ARPP21: variants seen among roughly 807,000 people sequenced by gnomAD.
The protein encoded by ARPP21 is cAMP-regulated phosphoprotein 21.
In ARPP21, 69 loss-of-function variants were observed where a neutral mutation model predicts 113.2. The observed-to-expected ratio is 0.61, with a 90% CI of 0.50 to 0.74. The LOEUF is 0.74. Among genes scored for constraint, ARPP21 ranks in the 30% least tolerant of loss-of-function variants. The pLI is 0.00. For synonymous variants in ARPP21, 368 were observed against 375.5 expected, an observed-to-expected ratio of 0.98 and a Z score of 0.23; for missense variants, 1,070 against 1,037.4, an observed-to-expected ratio of 1.03 and a Z score of -0.43.
At chr3:35,671,171 T>C (rs998317349) in intron 1 of ARPP21, among the ~76,000 whole-genome samples, 3 of 152,126 alleles carry the variant, frequency 2.0e-5, no homozygotes, top group African/African-American at 7.2e-5. Context: ...TGCAACCCGC[T>C]CTTCAGCACT....
intron 9 of ARPP21, among the ~76,000 whole-genome samples, chr3:35,698,786 G>A (rs1408157884): frequency 6.6e-6 from 1 of 151,570 alleles, no homozygotes; most frequent in Non-Finnish European, 1.5e-5. Context: ...ATTCTAATTT[G>A]CATTTTATTG....
chr3:35,793,492 A>G (rs1226836178), intron 20 of ARPP21, among the ~76,000 whole-genome samples: 1 of 152,208 alleles, frequency 6.6e-6, no homozygotes, highest in Non-Finnish European at 1.5e-5. Flanking sequence ...GGTACTTTGA[A>G]GCATGTATGT....
rs773008682 is a variant in ARPP21 at position 35,729,361 on chromosome 3, T to C, written c.1284T>C (p.Pro428=). 4 of 1,614,090 alleles carry C rather than the reference T, an allele frequency of 2.5e-6. No homozygotes were observed. Among genetic ancestry groups the C allele is most frequent in the Non-Finnish European group, 3.4e-6 (4 of 1,180,010 alleles). The change falls in exon 15 of 21, where the codon CCT becomes CCC. Residue 428 remains proline, a synonymous_variant. Transcript: ENST00000684406. ...GATCGCTGTCCCGCACCCATCCACCTCTCCAGAGCACACCCCTAGTCTCAG... is the reference window on the plus strand; with the variant it reads ...GATCGCTGTCCCGCACCCATCCACCCCTCCAGAGCACACCCCTAGTCTCAG... ...SSGSLSRTHP[P]LQSTPLVSGV... is the part of the protein sequence containing the mutation.
Position 35,739,589 on chromosome 3 carries a change from T to G in ARPP21, c.2010+12T>G. ...CTCCGCCTGCACAGGTAGGTGTGCTTCCTCATGCCTGTGACCTACAGCTGA... is the reference window on the plus strand; with the variant it reads ...CTCCGCCTGCACAGGTAGGTGTGCTGCCTCATGCCTGTGACCTACAGCTGA... On this transcript the variant is annotated intron_variant, in intron 18 of 20. Coordinates refer to ENST00000684406, the MANE Select transcript of ARPP21 (RefSeq NM_001385562.1). 1 of 1,599,694 alleles carries G rather than the reference T, an allele frequency of 6.3e-7. No homozygotes were observed.
At chr3:35,684,314 T>C (rs1331359240) in intron 5 of ARPP21, 1 of 1,089,630 alleles carries the variant, frequency 9.2e-7, no homozygotes, top group Admixed American at 4.6e-5. Flanking sequence ...GGTGGAGATT[T>C]CTCAATACTG....
At chr3:35,656,182 A>G (rs17033638) in intron 1 of ARPP21, among the ~76,000 whole-genome samples, 6,927 of 152,148 alleles carry the variant, frequency 0.046, 522 homozygotes, top group African/African-American at 0.16. Context: ...TTGAATGACT[A>G]TTGAATACAA....
At position 35,721,618 on chromosome 3, in the gene ARPP21, G is replaced by A. The variant is rs1178409423; in HGVS notation, c.1009G>A (p.Gly337Ser). The change falls in exon 14 of 21, where the codon GGC (glycine) becomes AGC (serine). Residue 337 changes from glycine (G) to serine (S), a missense_variant. Physicochemically the swap from Gly to Ser is moderately conservative, Grantham distance 56. Transcript: ENST00000684406. ...KRQLFRGNRD[G>S]SGRTSGSRQS... Reference sequence around the variant, plus strand: ...GTCGTACTCCAGGGGCAACAGAGATGGCTCAGGGAGAACATCTGGGAGTCG... The same window carrying A: ...GTCGTACTCCAGGGGCAACAGAGATAGCTCAGGGAGAACATCTGGGAGTCG... The A allele has an allele frequency of 1.2e-6, 2 of 1,609,344 alleles. No individual in the cohort carries two copies. The highest frequency in any genetic ancestry group is 1.7e-6 in the Non-Finnish European group (2 of 1,175,972).
At chr3:35,736,977 T>C (rs183358314) in intron 15 of ARPP21, among the ~76,000 whole-genome samples, 237 of 152,344 alleles carry the variant, frequency 1.6e-3, no homozygotes, top group Non-Finnish European at 2.4e-3. Flanking sequence ...CTTAAATTGC[T>C]ATGGGCTCCC....
chr3:35,713,110 A>G (rs1427659493), intron 11 of ARPP21, among the ~76,000 whole-genome samples: 1 of 152,176 alleles, frequency 6.6e-6, no homozygotes, highest in Non-Finnish European at 1.5e-5. Flanking sequence ...ATTAAGCAAA[A>G]TCGTTTTTCT....
intron 1 of ARPP21, among the ~76,000 whole-genome samples, chr3:35,649,964 C>T (rs957291643): frequency 1.3e-5 from 2 of 152,080 alleles, no homozygotes; most frequent in African/African-American, 2.4e-5. Context: ...TTAAGAAATG[C>T]TAAGTGTAAT....
At chr3:35,744,455 T>C (rs778774418) in intron 19 of ARPP21, 14 of 527,472 alleles carry the variant, frequency 2.7e-5, no homozygotes, top group Non-Finnish European at 4.7e-5. Flanking sequence ...ACATGCCTCC[T>C]GCCCAGAGCC....
At chr3:35,740,057 G>A (rs1038524217) in intron 18 of ARPP21, among the ~76,000 whole-genome samples, 9 of 152,200 alleles carry the variant, frequency 5.9e-5, no homozygotes, top group African/African-American at 1.9e-4. Flanking sequence ...GAATATAAAG[G>A]AGGAAGGTAA....
chr3:35,683,456 TCCTATGTTC>T (rs540005606), intron 4 of ARPP21, among the ~76,000 whole-genome samples: 1 of 151,866 alleles, frequency 6.6e-6, no homozygotes, highest in South Asian at 2.1e-4. Flanking sequence ...AATTCATTCT[TCCTATGTTC>T]CCAATGTGAT....
chr3:35,683,862 T>A, intron 5 of ARPP21, 47 bp downstream of exon 5: 1 of 972,686 alleles, frequency 1.0e-6, no homozygotes, highest in Non-Finnish European at 1.7e-6. Context: ...GGGATCCACC[T>A]TTGTGTGCAT....
chr3:35,728,833 C>T (rs966961695), intron 14 of ARPP21, among the ~76,000 whole-genome samples: 1 of 152,142 alleles, frequency 6.6e-6, no homozygotes, highest in Non-Finnish European at 1.5e-5. Flanking sequence ...GTCGGAGAAC[C>T]AGTACTTCAG....
rs139970184 is a variant in ARPP21, at chr3:35,751,463, C to T, written c.2137+7498C>T. Among the ~76,000 whole-genome samples, 20 of 152,148 alleles carry T rather than the reference C, an allele frequency of 1.3e-4. No homozygotes were observed. The East Asian group carries it at 3.7e-3, about 28-fold the overall frequency. On this transcript the variant is annotated intron_variant, in intron 19 of 20. Transcript: ENST00000684406. ...GGTGATTTAATGTACCTCTGTTCTG[C>T]GTGAGTAAGTAAGCGATACTCCAAT...
intron 11 of ARPP21, among the ~76,000 whole-genome samples, chr3:35,710,109 C>T (rs7636980): frequency 0.48 from 72,248 of 151,810 alleles, 18,020 homozygotes; most frequent in East Asian, 0.79. Flanking sequence ...CGTTTATATC[C>T]CGCCCCCTAC....
intron 9 of ARPP21, among the ~76,000 whole-genome samples, chr3:35,691,880 T>C (rs764832909): frequency 5.9e-5 from 9 of 151,602 alleles, no homozygotes; most frequent in Admixed American, 1.3e-4. Context: ...GCATGCTCTT[T>C]AGAAATGTTA....
At position 35,639,874 on chromosome 3, in the gene ARPP21, A is replaced by G. The variant is rs907855191; in HGVS notation, c.-737A>G. Reference sequence around the variant, plus strand: ...GACGGACGGACAGACCAGCGCACAGACTGGCAGCCTGCGAGAGTGGCAGCT... The same window carrying G: ...GACGGACGGACAGACCAGCGCACAGGCTGGCAGCCTGCGAGAGTGGCAGCT... On this transcript the variant is annotated 5_prime_UTR_variant, in exon 1 of 21. Transcript: ENST00000684406. This position sits in a 1 kb window ranked among gnomAD's most constrained non-coding sequence, Gnocchi z 5.0. 2.0e-5 allele frequency: 3 copies of G among 152,384 alleles called. No individual in the cohort carries two copies. Among genetic ancestry groups the G allele is most frequent in the African/African-American group, 4.8e-5 (2 of 41,464 alleles). 9.4% of individuals were successfully genotyped at this position (152,384 alleles called of 1,614,324 possible).
Sources: gnomAD v4.1 joint callset for allele counts (sites outside exome capture counted in the v4.1 genomes callset) on GRCh38, gnomAD v4.1.1 for gene constraint, Gnocchi (gnomAD v3.1) non-coding constraint, MANE v1.5 for transcripts, NCBI Gene and HGNC (gene_info 2026-07-23, HGNC 2026-07-21) for gene names.